The following RGS6 variants were observed in gnomAD, a reference collection of about 807,000 sequenced individuals.
RGS6 encodes regulator of G-protein signaling 6.
Under a neutral mutation model 78.5 loss-of-function variants are expected in RGS6, and 30 were observed. The observed-to-expected ratio is 0.38, with a 90% CI of 0.29 to 0.52. The LOEUF (loss-of-function observed/expected upper bound fraction) is 0.52. Among genes scored for constraint, RGS6 ranks in the 20% least tolerant of loss-of-function variants. RGS6 has a pLI of 0.85. For missense variants in RGS6, 495 were observed against 609.7 expected, an observed-to-expected ratio of 0.81 and a Z score of 1.98; for synonymous variants, 206 against 206.0, an observed-to-expected ratio of 1.00 and a Z score of 0.00.
chr14:72,334,187 T>G (rs575372809), intron 2 of RGS6, among the ~76,000 whole-genome samples: 70 of 152,310 alleles, frequency 4.6e-4, no homozygotes, highest in Admixed American at 2.0e-3. Context: ...CCCCTACATT[T>G]AATGGGGCCA....
chr14:72,333,725 A>C (rs1162130952), intron 2 of RGS6, among the ~76,000 whole-genome samples: 1 of 152,122 alleles, frequency 6.6e-6, no homozygotes, highest in Non-Finnish European at 1.5e-5. Context: ...AAGGGCCCTC[A>C]CCATCACACC....
At chr14:72,243,016 T>G (rs1051234483) in intron 2 of RGS6, among the ~76,000 whole-genome samples, 15 of 151,834 alleles carry the variant, frequency 9.9e-5, no homozygotes, top group African/African-American at 3.4e-4. Flanking sequence ...ACCTGGCTTT[T>G]TGTGTGTGTG....
At chr14:71,882,641 T>G in the RGS6 span, among the ~76,000 whole-genome samples, 3 of 152,228 alleles carry the variant, frequency 2.0e-5, no homozygotes, top group Non-Finnish European at 4.4e-5. Context: ...TCATGACTGA[T>G]AGCATTACAA....
chr14:72,567,296 CAT>C (rs2097714553), downstream of RGS6, among the ~76,000 whole-genome samples: 1 of 152,230 alleles, frequency 6.6e-6, no homozygotes, highest in Non-Finnish European at 1.5e-5. Context: ...AGGTCCATAA[CAT>C]GTCCCACCTC....
chr14:72,194,273 AC>A (rs1216180629), intron 2 of RGS6, among the ~76,000 whole-genome samples: 1 of 152,220 alleles, frequency 6.6e-6, no homozygotes, highest in Admixed American at 6.5e-5. Context: ...CTTGTTGAAT[AC>A]CTATCATGAA....
At chr14:71,880,059 G>C in the RGS6 span, among the ~76,000 whole-genome samples, 1 of 152,220 alleles carries the variant, frequency 6.6e-6, no homozygotes, top group Non-Finnish European at 1.5e-5. Context: ...TTAGGAATTG[G>C]AGCAAAGGTG....
chr14:71,975,760 C>T (rs2877775), intron 2 of RGS6, among the ~76,000 whole-genome samples: 2,541 of 152,256 alleles, frequency 0.017, 70 homozygotes, highest in African/African-American at 0.056. Flanking sequence ...CCCGACTGTG[C>T]TTGGGAATTC....
chr14:72,458,132 C>A, intron 4 of RGS6, 139 bp from the exon 5 acceptor site: 1 of 636,864 alleles, frequency 1.6e-6, no homozygotes, highest in Non-Finnish European at 2.7e-6. Context: ...CCTCCTCACC[C>A]CCACACTGAG....
chr14:71,881,835 GTCTT>G, the RGS6 span, among the ~76,000 whole-genome samples: 1 of 152,166 alleles, frequency 6.6e-6, no homozygotes, highest in Admixed American at 6.5e-5. Flanking sequence ...TGGACAGTAT[GTCTT>G]TCTTTCTCTC....
intron 2 of RGS6, among the ~76,000 whole-genome samples, chr14:72,189,417 A>G (rs2097294337): frequency 1.3e-5 from 2 of 152,232 alleles, no homozygotes; most frequent in African/African-American, 2.4e-5. Flanking sequence ...AAATAATTGT[A>G]TAAATGAATA....
chr14:72,200,356 G>A (rs564261381), intron 2 of RGS6, among the ~76,000 whole-genome samples: 79 of 152,260 alleles, frequency 5.2e-4, no homozygotes, highest in African/African-American at 1.7e-3. Context: ...ATGTCTTTGC[G>A]TCACTGCCTT....
At position 72,155,262 on chromosome 14, in the gene RGS6, G is replaced by A. The variant is rs868192733; in HGVS notation, c.84+190387G>A. The stretch of plus-strand genomic sequence containing the variant: ...AAACTGTGACATTGTCTGAACAGTA[G>A]GGCATCCTGTTCCCTGGTTTGGCTG... On this transcript the variant is annotated intron_variant, in intron 2 of 17. Coordinates refer to ENST00000553525, the MANE Select transcript of RGS6 (RefSeq NM_001204424.2). Among the ~76,000 whole-genome samples the A allele has an allele frequency of 2.0e-5, 3 of 152,192 alleles. No homozygotes were observed. The South Asian group carries it at 6.2e-4, about 32-fold the overall frequency.
chr14:72,423,446 TA>T (rs150239064), intron 3 of RGS6, among the ~76,000 whole-genome samples: 6 of 151,172 alleles, frequency 4.0e-5, no homozygotes, highest in East Asian at 1.9e-4. Flanking sequence ...ATGGATTGTG[TA>T]AAAAAAAATG....
intron 2 of RGS6, among the ~76,000 whole-genome samples, chr14:72,092,909 A>C (rs1163367704): frequency 6.6e-6 from 1 of 152,086 alleles, no homozygotes; most frequent in African/African-American, 2.4e-5. Context: ...GTTTTTACCT[A>C]GTTTCCTTTT....
chr14:72,385,186 A>T (rs2087561768), intron 3 of RGS6, among the ~76,000 whole-genome samples: 1 of 152,206 alleles, frequency 6.6e-6, no homozygotes, highest in Non-Finnish European at 1.5e-5. Flanking sequence ...AATCTCAAAG[A>T]TTTTGTCAAA....
At position 72,563,073 on chromosome 14, in the gene RGS6, C is replaced by T; in HGVS notation, c.*606C>T. 1 of 413,546 alleles carries T rather than the reference C, an allele frequency of 2.4e-6. No homozygotes were observed. The highest frequency in any genetic ancestry group is 3.5e-5 in the Admixed American group (1 of 28,418). The allele number at this position is 413,546 out of a possible 1,614,324, so 25.6% of individuals were successfully genotyped here. On this transcript the variant is annotated 3_prime_UTR_variant, in exon 18 of 18. Coordinates refer to ENST00000553525, the MANE Select transcript of RGS6 (RefSeq NM_001204424.2). ...AGCAAGAAAGCAACCTCACGGATTG[C>T]CCCGCCTCAAGGTCTTTCCACCCTC...
At chr14:71,970,777 T>G (rs1426591223) in intron 2 of RGS6, among the ~76,000 whole-genome samples, 2 of 152,068 alleles carry the variant, frequency 1.3e-5, no homozygotes, top group African/African-American at 2.4e-5. Context: ...TGGGGGTAAA[T>G]GGGGAACTAG....
At chr14:72,629,780 C>T in the RGS6 span, 1 of 1,416,382 alleles carries the variant, frequency 7.1e-7, no homozygotes, top group Non-Finnish European at 9.6e-7. Context: ...AAAGTATGAA[C>T]TGCCACCCCT....
chr14:72,468,446 AC>A (rs1211410655), intron 7 of RGS6, among the ~76,000 whole-genome samples: 4 of 152,190 alleles, frequency 2.6e-5, no homozygotes, highest in Non-Finnish European at 5.9e-5. Context: ...ATGATTCAAA[AC>A]CAAAAAAGCA....
Sources: allele counts gnomAD v4.1 joint callset (sites outside exome capture counted in the v4.1 genomes callset), GRCh38; gene constraint gnomAD v4.1.1; transcripts MANE v1.5; gene names NCBI Gene and HGNC (gene_info 2026-07-23, HGNC 2026-07-21).